The following KLF12 variants were observed in gnomAD, a reference collection of about 807,000 sequenced individuals.
The protein encoded by KLF12 is KLF transcription factor 12, also known as Krueppel-like factor 12.
Under a neutral mutation model 37.8 loss-of-function variants are expected in KLF12, and 9 were observed. The ratio of observed to expected loss-of-function variants is 0.24; its 90% CI spans 0.14 to 0.42. The LOEUF is 0.42. Among genes scored for constraint, KLF12 ranks in the 10% least tolerant of loss-of-function variants. KLF12 has a pLI of 1.00. For synonymous variants in KLF12, 208 were observed against 202.1 expected (o/e 1.03, Z -0.25); for missense variants, 411 against 516.0 (o/e 0.80, Z 1.97).
chr13:74,154,774 T>A, the KLF12 span, among the ~76,000 whole-genome samples: 1 of 152,234 alleles, frequency 6.6e-6, no homozygotes, highest in Non-Finnish European at 1.5e-5. Context: ...CTTTGGCTCT[T>A]CCGTCATCAT....
At chr13:74,154,692 G>A in the KLF12 span, among the ~76,000 whole-genome samples, 4 of 152,140 alleles carry the variant, frequency 2.6e-5, no homozygotes, top group Admixed American at 1.3e-4. Context: ...CACTAGCTGC[G>A]AGATAATAGT....
chr13:73,752,933 T>C (rs894410103), intron 6 of KLF12, among the ~76,000 whole-genome samples: 1 of 151,998 alleles, frequency 6.6e-6, no homozygotes, highest in Admixed American at 6.6e-5. Context: ...TTGTATTTTT[T>C]AGTAGAGATG....
chr13:74,006,017 G>A (rs1053583526), intron 1 of KLF12, among the ~76,000 whole-genome samples: 1 of 152,094 alleles, frequency 6.6e-6, no homozygotes. Flanking sequence ...CAGCATAGAA[G>A]TCATCTCTCC....
chr13:73,816,555 T>C (rs1207637332), intron 4 of KLF12, among the ~76,000 whole-genome samples: 1 of 152,174 alleles, frequency 6.6e-6, no homozygotes, highest in Non-Finnish European at 1.5e-5. Context: ...ACACCTGAAG[T>C]TGAACTGATA....
intron 3 of KLF12, among the ~76,000 whole-genome samples, chr13:73,877,280 TTAATAG>T (rs1479399378): frequency 6.6e-6 from 1 of 152,220 alleles, no homozygotes; most frequent in East Asian, 1.9e-4. Context: ...TCAGACCGTA[TTAATAG>T]TATTTTAAGA....
chr13:74,128,478 C>CACAG (rs1188266340), intron 1 of KLF12, among the ~76,000 whole-genome samples: 1 of 152,152 alleles, frequency 6.6e-6, no homozygotes, highest in East Asian at 1.9e-4. Context: ...TAACCCTCAC[C>CACAG]ACAGCCCTGT....
chr13:74,178,293 C>T, the KLF12 span, among the ~76,000 whole-genome samples: 2 of 152,148 alleles, frequency 1.3e-5, no homozygotes, highest in African/African-American at 4.8e-5. Context: ...CATGTTGTCC[C>T]CTGACGCAAA....
At chr13:73,836,042 A>G (rs79745856) in intron 4 of KLF12, among the ~76,000 whole-genome samples, 2 of 139,710 alleles carry the variant, frequency 1.4e-5, no homozygotes, top group Non-Finnish European at 3.0e-5. Context: ...TTATTAAAAG[A>G]AAAAAAAAAA....
chr13:74,112,607 G>A (rs1409766880), intron 1 of KLF12, among the ~76,000 whole-genome samples: 3 of 151,980 alleles, frequency 2.0e-5, no homozygotes, highest in Admixed American at 2.0e-4. Context: ...GACTGGCTTC[G>A]GGGCAACACA....
intron 3 of KLF12, among the ~76,000 whole-genome samples, chr13:73,913,158 C>T (rs1888655162): frequency 6.6e-6 from 1 of 152,182 alleles, no homozygotes; most frequent in African/African-American, 2.4e-5. Context: ...ACTGAGCTCA[C>T]TATCAGGCAC....
At chr13:74,277,952 C>A in the KLF12 span, among the ~76,000 whole-genome samples, 8 of 152,244 alleles carry the variant, frequency 5.3e-5, no homozygotes, top group African/African-American at 1.7e-4. Flanking sequence ...ATTTTCTTTT[C>A]CCTTCAGGGT....
intron 6 of KLF12, among the ~76,000 whole-genome samples, chr13:73,759,610 T>G (rs928881091): frequency 6.6e-6 from 1 of 152,156 alleles, no homozygotes; most frequent in African/African-American, 2.4e-5. Flanking sequence ...TCTGCACAGG[T>G]GGACAACTGC....
chr13:74,244,393 T>C, the KLF12 span, among the ~76,000 whole-genome samples: 709 of 152,322 alleles, frequency 4.7e-3, 8 homozygotes, highest in African/African-American at 0.016. Flanking sequence ...CAATAATTCT[T>C]TTGAACTTCC....
rs769911445 is a variant in KLF12 at position 73,916,950 on chromosome 13, A to G, written c.123+27031T>C. On this transcript the variant is annotated intron_variant, in intron 3 of 7. Coordinates refer to ENST00000377669, the MANE Select transcript of KLF12 (RefSeq NM_007249.5). ...AGGTAAAAAACATATTCAAAGCAGT[A>G]AATGGTGTCAGCGGTTATTTTGAAG... 8.5e-4 allele frequency among the ~76,000 whole-genome samples: 129 copies of G among 152,222 alleles called. 2 individuals carry two copies. Among genetic ancestry groups the G allele is most frequent in the Non-Finnish European group, 1.7e-3 (115 of 68,036 alleles).
chr13:73,845,280 T>A (rs1300553400), intron 4 of KLF12: 1 of 152,710 alleles, frequency 6.5e-6, no homozygotes, highest in Non-Finnish European at 1.5e-5. Flanking sequence ...GATACTACTA[T>A]AGTCAAACAC....
intron 1 of KLF12, among the ~76,000 whole-genome samples, chr13:74,100,421 A>G (rs569029176): frequency 6.6e-6 from 1 of 152,226 alleles, no homozygotes; most frequent in Non-Finnish European, 1.5e-5. Context: ...CATTCAAGGC[A>G]AGCCTGGCCA....
chr13:74,060,484 T>TTGTGTGTGTGTGTGTGTGTG (rs60242793), intron 1 of KLF12, among the ~76,000 whole-genome samples: 6 of 108,626 alleles, frequency 5.5e-5, no homozygotes, highest in Non-Finnish European at 7.6e-5. Context: ...TACCTAGGTT[T>TTGTGTGTGTGTGTGTGTGTG]TGTGTGTGTG....
At chr13:73,957,311 A>G (rs1890875794) in intron 2 of KLF12, among the ~76,000 whole-genome samples, 1 of 152,214 alleles carries the variant, frequency 6.6e-6, no homozygotes, top group Admixed American at 6.5e-5. Context: ...AATTCCTTCT[A>G]TCCTTTCTGC....
chr13:73,745,448 C>G (rs1426613555), intron 6 of KLF12, among the ~76,000 whole-genome samples: 1 of 152,092 alleles, frequency 6.6e-6, no homozygotes, highest in Non-Finnish European at 1.5e-5. Flanking sequence ...ATGCTCTAAC[C>G]AGTACAATTG....
Sources: gnomAD v4.1 joint callset for allele counts (sites outside exome capture counted in the v4.1 genomes callset) on GRCh38, gnomAD v4.1.1 for gene constraint, MANE v1.5 for transcripts, NCBI Gene and HGNC (gene_info 2026-07-23, HGNC 2026-07-21) for gene names.